The following PVT1 variants were observed in gnomAD, a reference collection of about 807,000 sequenced individuals.
PVT1 encodes Pvt1 oncogene.
chr8:127,989,182 T>G (rs998586201), exon 4 of PVT1: 9 of 152,232 alleles, frequency 5.9e-5, no homozygotes, highest in African/African-American at 2.2e-4. Context: ...CACCTGGGAT[T>G]TAGGCACTTT....
chr8:127,830,800 T>C (rs1814840198), intron 2 of PVT1, among the ~76,000 whole-genome samples: 1 of 152,008 alleles, frequency 6.6e-6, no homozygotes, highest in Non-Finnish European at 1.5e-5. Flanking sequence ...GTGGGCACAA[T>C]CTAATCAGCT....
chr8:128,013,084 A>G (rs1026889332), intron 4 of PVT1, among the ~76,000 whole-genome samples: 1 of 152,144 alleles, frequency 6.6e-6, no homozygotes, highest in Non-Finnish European at 1.5e-5. Context: ...CCCTGAAGCC[A>G]TCCTGATTTG....
chr8:127,806,626 G>A (rs1438284380), intron 2 of PVT1, among the ~76,000 whole-genome samples: 1 of 152,180 alleles, frequency 6.6e-6, no homozygotes, highest in Non-Finnish European at 1.5e-5. Flanking sequence ...ACACTGTTGT[G>A]TAATTACCAC....
chr8:128,090,902 C>T lies in PVT1; in HGVS notation n.1115-5616C>T, dbSNP rs569237379. Among the ~76,000 whole-genome samples, 11 of 152,184 alleles carry T rather than the reference C, an allele frequency of 7.2e-5. No homozygotes were observed. In the South Asian group the frequency reaches 1.9e-3, roughly 26 times the overall value. On this transcript the variant is annotated intron_variant and non_coding_transcript_variant, in intron 5 of 10. Transcript: ENST00000651587. ...AGCGACCTTCCTGCGGCATGGAGGTCGTGGGTGCAGCTTGTGGAGTCAGGT... is the reference window on the plus strand; with the variant it reads ...AGCGACCTTCCTGCGGCATGGAGGTTGTGGGTGCAGCTTGTGGAGTCAGGT...
chr8:128,086,676 TG>T, intron 5 of PVT1, among the ~76,000 whole-genome samples: 2 of 152,402 alleles, frequency 1.3e-5, no homozygotes, highest in Middle Eastern at 6.8e-3. Context: ...TTGTTCAGTA[TG>T]GGTTTTCCGA....
intron 4 of PVT1, among the ~76,000 whole-genome samples, chr8:128,026,388 GCT>G (rs1049093581): frequency 3.6e-4 from 55 of 152,206 alleles, no homozygotes; most frequent in African/African-American, 1.2e-3. Flanking sequence ...ATGTTTCTCT[GCT>G]CTGTTTTTTG....
chr8:128,090,012 C>T (rs1412769875), intron 5 of PVT1, among the ~76,000 whole-genome samples: 2 of 152,212 alleles, frequency 1.3e-5, no homozygotes, highest in Admixed American at 1.3e-4. Flanking sequence ...ACAAAATCCT[C>T]AGATTTTATT....
At chr8:128,021,500 A>G (rs1393588664) in intron 4 of PVT1, among the ~76,000 whole-genome samples, 4 of 151,866 alleles carry the variant, frequency 2.6e-5, no homozygotes, top group Non-Finnish European at 5.9e-5. Context: ...TCACCATGTT[A>G]GCCAGGATGG....
In PVT1 at chr8:127,978,800, T is replaced by C. The variant is rs150931889; in HGVS notation, n.783-10362T>C. ...CGCACCCGGACCATTATTATTATAA[T>C]TTTTTTTGGAGACAAGGTTTTGCTT... On this transcript the variant is annotated intron_variant and non_coding_transcript_variant, in intron 3 of 10. Transcript: ENST00000651587. 2.1e-3 allele frequency among the ~76,000 whole-genome samples: 325 copies of C among 152,172 alleles called. 4 individuals carry two copies. Among genetic ancestry groups the C allele is most frequent in the African/African-American group, 7.4e-3 (308 of 41,524 alleles).
chr8:127,937,692 C>T (rs1457719686), intron 3 of PVT1, among the ~76,000 whole-genome samples: 3 of 151,872 alleles, frequency 2.0e-5, no homozygotes, highest in Admixed American at 1.3e-4. Context: ...CCTGCTGCTG[C>T]GTAGAGCCAG....
At position 127,898,222 on chromosome 8, in the gene PVT1, AAAG is replaced by A. The variant is rs1166769601; in HGVS notation, n.782+7227_782+7229del. Reference sequence around the variant, plus strand: ...GTGAAGAAAGAAGAGAAAAGAAAGAAAAGAAAGAAAGAAAGAAAGAAACGAAGG... The same window carrying A: ...GTGAAGAAAGAAGAGAAAAGAAAGAAAAAGAAAGAAAGAAAGAAACGAAGG... On this transcript the variant is annotated intron_variant and non_coding_transcript_variant, in intron 3 of 10. Transcript: ENST00000651587. This position sits in a 1 kb window ranked among gnomAD's most constrained non-coding sequence, Gnocchi z 4.4. Among the ~76,000 whole-genome samples the A allele has an allele frequency of 7.2e-6, 1 of 138,634 alleles. No individual in the cohort carries two copies. Among genetic ancestry groups the A allele is most frequent in the Non-Finnish European group, 1.5e-5 (1 of 66,284 alleles). 90.9% of individuals were successfully genotyped at this position (138,634 alleles called of 152,430 possible). A position where few individuals can be genotyped will look rare whatever the true frequency, so the allele number is the denominator to read the frequency against.
At chr8:127,908,059 G>A (rs1474531361) in intron 3 of PVT1, among the ~76,000 whole-genome samples, 2 of 152,126 alleles carry the variant, frequency 1.3e-5, no homozygotes, top group African/African-American at 4.8e-5. Context: ...CTGTGGCCGC[G>A]CATCACCCAT....
At chr8:127,945,619 G>A (rs984586354) in intron 3 of PVT1, among the ~76,000 whole-genome samples, 3 of 152,162 alleles carry the variant, frequency 2.0e-5, no homozygotes, top group African/African-American at 7.2e-5. Flanking sequence ...AACCTAGGAG[G>A]ACACGCTGGT....
chr8:128,018,802 A>G lies in PVT1; in HGVS notation n.912+29511A>G, dbSNP rs565862288. Among the ~76,000 whole-genome samples the G allele has an allele frequency of 2.0e-5, 3 of 152,276 alleles. No individual in the cohort carries two copies. In the South Asian group the frequency reaches 6.2e-4, roughly 32 times the overall value. On this transcript the variant is annotated intron_variant and non_coding_transcript_variant, in intron 4 of 10. Transcript: ENST00000651587. Reference sequence around the variant, plus strand: ...GGCAGTTAGTGTTGCTGTCTGGAATACACTGGCTACCTCCCTCCTCCCCCC... The same window carrying G: ...GGCAGTTAGTGTTGCTGTCTGGAATGCACTGGCTACCTCCCTCCTCCCCCC...
intron 3 of PVT1, among the ~76,000 whole-genome samples, chr8:127,937,568 CACACACACACACAGAG>C (rs1246148000): frequency 9.2e-6 from 1 of 109,040 alleles, no homozygotes; most frequent in Non-Finnish European, 2.0e-5. Flanking sequence ...CACACACACA[CACACACACACACAGAG>C]AGAGAGAGAG....
At chr8:127,860,782 A>AG (rs1563623820) in intron 2 of PVT1, among the ~76,000 whole-genome samples, 1 of 132,632 alleles carries the variant, frequency 7.5e-6, no homozygotes, top group Non-Finnish European at 1.8e-5. Flanking sequence ...AAAAAAAAAA[A>AG]AAGGAGAAGA....
chr8:127,942,083 C>A lies in PVT1; in HGVS notation n.783-47079C>A, dbSNP rs572388017. Among the ~76,000 whole-genome samples, 12 of 152,292 alleles carry A rather than the reference C, an allele frequency of 7.9e-5. No individual in the cohort carries two copies. In the South Asian group the frequency reaches 1.9e-3, roughly 24 times the overall value. ...AGATGTTGGGCCCTCAGAGTGTGATCCCATGTCCCCAGCTCTGTAACTCCC... is the reference window on the plus strand; with the variant it reads ...AGATGTTGGGCCCTCAGAGTGTGATACCATGTCCCCAGCTCTGTAACTCCC... On this transcript the variant is annotated intron_variant and non_coding_transcript_variant, in intron 3 of 10. Transcript: ENST00000651587.
At chr8:127,994,315 A>G (rs1339323061) in intron 4 of PVT1, among the ~76,000 whole-genome samples, 1 of 152,070 alleles carries the variant, frequency 6.6e-6, no homozygotes, top group African/African-American at 2.4e-5. Context: ...TTTCCCTGGG[A>G]GCAGAGCCTT....
Position 128,035,760 on chromosome 8 carries a change from C to T in PVT1, n.913-34400C>T, listed in dbSNP as rs77995209. 8.6e-3 allele frequency among the ~76,000 whole-genome samples: 1,310 copies of T among 152,252 alleles called. 18 individuals are homozygous for T. Among genetic ancestry groups the T allele is most frequent in the African/African-American group, 0.031 (1,271 of 41,550 alleles). ...TTAGTGGTTCCTTATTAGAGGGAGG[C>T]AGAGGGAGACTGAATACCCTAGAGG... On this transcript the variant is annotated intron_variant and non_coding_transcript_variant, in intron 4 of 10. Transcript: ENST00000651587.
Sources: allele counts gnomAD v4.1 joint callset (sites outside exome capture counted in the v4.1 genomes callset), GRCh38; gene constraint gnomAD v4.1.1; non-coding constraint Gnocchi (gnomAD v3.1); transcripts MANE v1.5; gene names NCBI Gene and HGNC (gene_info 2026-07-23, HGNC 2026-07-21).